The following PPIP5K2 variants were observed in gnomAD, a reference collection of about 807,000 sequenced individuals.
The protein encoded by PPIP5K2 is inositol hexakisphosphate and diphosphoinositol-pentakisphosphate kinase 2.
PPIP5K2 carries 105 observed loss-of-function variants against 154.6 expected under a neutral mutation model. The ratio of observed to expected loss-of-function variants is 0.68; its 90% CI spans 0.58 to 0.80. The LOEUF is 0.80. Ranked by LOEUF, PPIP5K2 falls within the 30% of genes least tolerant of loss-of-function variation. The pLI, the probability that PPIP5K2 is intolerant of heterozygous loss-of-function variation, is 0.00. For missense variants in PPIP5K2, 992 were observed against 1,504.6 expected (o/e 0.66, Z 5.64); for synonymous variants, 480 against 490.3 (o/e 0.98, Z 0.28).
chr5:103,195,052 G>A, intron 30 of PPIP5K2, 27 bp downstream of exon 30: 1 of 1,590,464 alleles, frequency 6.3e-7, no homozygotes, highest in Non-Finnish European at 8.5e-7. Context: ...TTGAGTTTGT[G>A]GATTTGCACA....
At chr5:103,171,311 AATTAT>A (rs1797944996) in intron 19 of PPIP5K2, among the ~76,000 whole-genome samples, 1 of 151,556 alleles carries the variant, frequency 6.6e-6, no homozygotes, top group Admixed American at 6.6e-5. Context: ...TTGATATTAA[AATTAT>A]ATTAATTGAG....
Position 103,143,862 on chromosome 5 carries a change from C to G in PPIP5K2, c.488-2665C>G, listed in dbSNP as rs539499295. Among the ~76,000 whole-genome samples the G allele has an allele frequency of 2.3e-3, 353 of 152,144 alleles. 2 individuals carry two copies. Among genetic ancestry groups the G allele is most frequent in the African/African-American group, 8.4e-3 (347 of 41,518 alleles). ...CAGGGAAAAGGTGAAAATATTTCCT[C>G]TAAGAATTGGAACAAGACAAGGATG... On this transcript the variant is annotated intron_variant, in intron 5 of 30. Transcript: ENST00000358359.
At position 103,173,264 on chromosome 5, in the gene PPIP5K2, T is replaced by TGTGTCATCCTGTG; in HGVS notation, c.2396_2397insGTGTCATCCTGTG (p.Asn800CysfsTer6). On this transcript the variant is annotated frameshift_variant, in exon 20 of 31. Transcript: ENST00000358359. LOFTEE classifies it high-confidence loss of function. ...CAGAGGACACAAGATGATGACACTGTAAATAAACTTCATCCTGTGTAAGAA... is the reference window on the plus strand; with the variant it reads ...CAGAGGACACAAGATGATGACACTGTGTGTCATCCTGTGAAATAAACTTCATCCTGTGTAAGAA... 1.2e-6 allele frequency: 2 copies of TGTGTCATCCTGTG among 1,611,206 alleles called. No homozygotes were observed. The highest frequency in any genetic ancestry group is 2.2e-5 in the South Asian group (2 of 90,864).
chr5:103,165,502 C>T (rs1796987342), intron 17 of PPIP5K2, among the ~76,000 whole-genome samples: 1 of 151,934 alleles, frequency 6.6e-6, no homozygotes, highest in African/African-American at 2.4e-5. Flanking sequence ...CATGTCTGAA[C>T]AGGATTTAGT....
Position 103,168,102 on chromosome 5 carries a change from A to G in PPIP5K2, c.2093A>G (p.Glu698Gly). Residue 698 changes from glutamate to glycine, a missense_variant, in exon 19 of 31, where the codon GAG becomes GGG. Coordinates refer to ENST00000358359, the MANE Select transcript of PPIP5K2 (RefSeq NM_001276277.3). ...CAGCTTTACCATAGTGAAACATTGG[A>G]GCTTATGCTACGTAGATGGTCCAAG... ...DIQLYHSETL[E>G]LMLRRWSKLE... 1 of 1,608,538 alleles carries G rather than the reference A, an allele frequency of 6.2e-7. No homozygotes were observed. The highest frequency in any genetic ancestry group is 1.1e-5 in the South Asian group (1 of 90,650).
intron 20 of PPIP5K2, 28 bp from the exon 21 acceptor site, chr5:103,173,830 T>C (rs1554220140): frequency 7.3e-7 from 1 of 1,377,734 alleles, no homozygotes; most frequent in Non-Finnish European, 1.0e-6. Flanking sequence ...TATGGTTATG[T>C]TTGAACACTG....
chr5:103,131,220 A>G (rs1440549289), intron 2 of PPIP5K2, among the ~76,000 whole-genome samples: 2 of 151,724 alleles, frequency 1.3e-5, no homozygotes, highest in Non-Finnish European at 2.9e-5. Context: ...TGGTTCTAGG[A>G]CTCCCTGTGG....
rs184308815 is a variant in PPIP5K2 at position 103,142,389 on chromosome 5, C to T, written c.487+3920C>T. 5.7e-3 allele frequency among the ~76,000 whole-genome samples: 869 copies of T among 152,304 alleles called. 5 individuals carry two copies. The highest frequency in any genetic ancestry group is 0.02 in the African/African-American group (833 of 41,564). On this transcript the variant is annotated intron_variant, in intron 5 of 30. Transcript: ENST00000358359. Reference sequence around the variant, plus strand: ...CTCCAGCTGGCCCGCAAGCACCGCCCCGCAGCCCCAGTTCCCGCTCGCGCC... The same window carrying T: ...CTCCAGCTGGCCCGCAAGCACCGCCTCGCAGCCCCAGTTCCCGCTCGCGCC...
chr5:103,196,971 T>C (rs1207936939), intron 30 of PPIP5K2, among the ~76,000 whole-genome samples: 2 of 152,034 alleles, frequency 1.3e-5, no homozygotes, highest in East Asian at 1.9e-4. Flanking sequence ...GATAGAGTAA[T>C]ATCTTGGAAG....
intron 3 of PPIP5K2, chr5:103,135,968 C>CTTTTTTT (rs1159954877): frequency 1.7e-5 from 2 of 116,306 alleles, no homozygotes; most frequent in Non-Finnish European, 3.5e-5. Flanking sequence ...GCTTCTGTAG[C>CTTTTTTT]TTTTTTTTTT....
intron 10 of PPIP5K2, 138 bp downstream of exon 10, chr5:103,152,887 G>C: frequency 3.6e-6 from 2 of 562,914 alleles, no homozygotes. Context: ...AGATAGAGGA[G>C]TAGATTATAC....
At chr5:103,179,364 A>G (rs781788507) in intron 23 of PPIP5K2, among the ~76,000 whole-genome samples, 1 of 152,002 alleles carries the variant, frequency 6.6e-6, no homozygotes, top group African/African-American at 2.4e-5. Flanking sequence ...CTGTATTACT[A>G]TGGTCCAACG....
intron 5 of PPIP5K2, among the ~76,000 whole-genome samples, chr5:103,143,722 ATAAAAT>A (rs1383675819): frequency 6.6e-6 from 1 of 152,222 alleles, no homozygotes; most frequent in Non-Finnish European, 1.5e-5. Flanking sequence ...AAAGCATTTG[ATAAAAT>A]TAAACATCCC....
intron 26 of PPIP5K2, 68 bp downstream of exon 26, chr5:103,184,812 CTCTT>C: frequency 8.0e-7 from 1 of 1,257,446 alleles, no homozygotes; most frequent in African/African-American, 1.5e-5. Flanking sequence ...ACATGTAAAA[CTCTT>C]TGGTGAAAGC....
chr5:103,194,964 T>C lies in PPIP5K2; in HGVS notation c.3558T>C (p.Pro1186=). The C allele has an allele frequency of 6.2e-7, 1 of 1,613,788 alleles. No individual in the cohort carries two copies. Among genetic ancestry groups the C allele is most frequent in the Non-Finnish European group, 8.5e-7 (1 of 1,179,790 alleles). ...AAGTATCTTTAAATACGTATACACC[T>C]GCAAAGATCCTCCCAACACCACCAG... The part of the protein sequence containing the change: ...RKKVSLNTYT[P]AKILPTPPAT... The change falls in exon 30 of 31, where the codon CCT becomes CCC. Residue 1186 remains proline, a synonymous_variant. Transcript: ENST00000358359.
intron 28 of PPIP5K2, 113 bp from the exon 29 acceptor site, chr5:103,190,729 A>T (rs1434096695): frequency 5.7e-6 from 5 of 884,096 alleles, no homozygotes; most frequent in Non-Finnish European, 8.1e-6. Context: ...TTTGCATGTG[A>T]TAGACTGAAA....
intron 30 of PPIP5K2, among the ~76,000 whole-genome samples, chr5:103,198,529 C>G (rs1393868758): frequency 6.6e-6 from 1 of 152,146 alleles, no homozygotes; most frequent in Non-Finnish European, 1.5e-5. Flanking sequence ...GCAGAATTGT[C>G]TGTTTCTCCC....
chr5:103,127,627 T>C (rs1789911884), intron 1 of PPIP5K2, among the ~76,000 whole-genome samples: 1 of 152,188 alleles, frequency 6.6e-6, no homozygotes, highest in South Asian at 2.1e-4. Flanking sequence ...GTTTATTGAG[T>C]GTTTAATATA....
rs552186572 is a variant in PPIP5K2 at position 103,129,880 on chromosome 5, T to C, written c.114+177T>C. Among the ~76,000 whole-genome samples, 6 of 152,342 alleles carry C rather than the reference T, an allele frequency of 3.9e-5. No homozygotes were observed. In the South Asian group the frequency reaches 1.2e-3, roughly 32 times the overall value. On this transcript the variant is annotated intron_variant, in intron 2 of 30. Coordinates refer to ENST00000358359, the MANE Select transcript of PPIP5K2 (RefSeq NM_001276277.3). ...TAAATACAGTTATGGGTCAAACCTT[T>C]ATGTTGTTTAATGATGCCTATTTTA...
Sources: allele counts gnomAD v4.1 joint callset (sites outside exome capture counted in the v4.1 genomes callset), GRCh38; gene constraint gnomAD v4.1.1; transcripts MANE v1.5; gene names NCBI Gene and HGNC (gene_info 2026-07-23, HGNC 2026-07-21).